CSNK2A2IP: variants seen among roughly 807,000 people sequenced by gnomAD.
CSNK2A2IP encodes the protein casein kinase 2 subunit alpha' interacting protein.
chr3:88,399,109 G>C, the CSNK2A2IP span, among the ~76,000 whole-genome samples: 2 of 152,032 alleles, frequency 1.3e-5, no homozygotes, highest in Admixed American at 6.6e-5. Flanking sequence ...CATTGATATA[G>C]GTGGTGTTTT....
At chr3:88,374,277 G>T in the CSNK2A2IP span, among the ~76,000 whole-genome samples, 1 of 151,622 alleles carries the variant, frequency 6.6e-6, no homozygotes, top group Non-Finnish European at 1.5e-5. Context: ...TCGGTGCGAG[G>T]CAGTAATGAA....
At chr3:88,429,239 T>C in the CSNK2A2IP span, among the ~76,000 whole-genome samples, 817 of 152,180 alleles carry the variant, frequency 5.4e-3, 12 homozygotes, top group African/African-American at 0.018. Flanking sequence ...TCACTTCTTG[T>C]GTCTTCTTCC....
At chr3:88,460,239 T>C in the CSNK2A2IP span, among the ~76,000 whole-genome samples, 2 of 152,194 alleles carry the variant, frequency 1.3e-5, no homozygotes, top group African/African-American at 4.8e-5. Flanking sequence ...TATCTGTATG[T>C]AATATTTACA....
chr3:88,428,696 T>C, the CSNK2A2IP span, among the ~76,000 whole-genome samples: 1 of 152,110 alleles, frequency 6.6e-6, no homozygotes, highest in African/African-American at 2.4e-5. Context: ...TACTGGATAT[T>C]GAGAAAACAG....
the CSNK2A2IP span, among the ~76,000 whole-genome samples, chr3:88,424,526 T>C: frequency 6.6e-6 from 1 of 152,220 alleles, no homozygotes; most frequent in Non-Finnish European, 1.5e-5. Context: ...TGATAAATGC[T>C]TTAAAAACAT....
the CSNK2A2IP span, among the ~76,000 whole-genome samples, chr3:88,428,326 G>A: frequency 6.6e-6 from 1 of 152,120 alleles, no homozygotes; most frequent in African/African-American, 2.4e-5. Flanking sequence ...GACTTGCCTT[G>A]TCTCAGATGA....
At chr3:88,352,871 T>C in the CSNK2A2IP span, among the ~76,000 whole-genome samples, 1 of 152,158 alleles carries the variant, frequency 6.6e-6, no homozygotes, top group Non-Finnish European at 1.5e-5. Flanking sequence ...TACTCTTTAC[T>C]CAATATGATA....
At chr3:88,429,584 G>A in the CSNK2A2IP span, among the ~76,000 whole-genome samples, 2 of 49,744 alleles carry the variant, frequency 4.0e-5, no homozygotes, top group African/African-American at 9.2e-5. Flanking sequence ...CTCTCTGAAC[G>A]AGGCTATGTT....
At chr3:88,363,298 G>A in the CSNK2A2IP span, among the ~76,000 whole-genome samples, 1 of 151,962 alleles carries the variant, frequency 6.6e-6, no homozygotes, top group African/African-American at 2.4e-5. Context: ...ATTCTCAAAT[G>A]TACTAATCTT....
chr3:88,409,746 C>T, the CSNK2A2IP span, among the ~76,000 whole-genome samples: 1 of 151,660 alleles, frequency 6.6e-6, no homozygotes, highest in Admixed American at 6.6e-5. Context: ...TCTTCAGATT[C>T]TTTTCTATTT....
At chr3:88,430,482 T>C in the CSNK2A2IP span, among the ~76,000 whole-genome samples, 2 of 152,144 alleles carry the variant, frequency 1.3e-5, no homozygotes, top group Admixed American at 1.3e-4. Context: ...TGAAGAGTCA[T>C]ATTCAGCAGG....
At chr3:88,417,149 G>A in the CSNK2A2IP span, among the ~76,000 whole-genome samples, 155 of 151,618 alleles carry the variant, frequency 1.0e-3, no homozygotes, top group Middle Eastern at 3.4e-3. Context: ...TATATACTGC[G>A]TTGATAGACA....
chr3:88,429,734 G>A, the CSNK2A2IP span, among the ~76,000 whole-genome samples: 11 of 152,022 alleles, frequency 7.2e-5, no homozygotes, highest in Non-Finnish European at 1.2e-4. Flanking sequence ...CTGAGTAGGA[G>A]CATTTTTTTT....
chr3:88,465,732 C>T, the CSNK2A2IP span: 5 of 1,231,706 alleles, frequency 4.1e-6, no homozygotes, highest in Non-Finnish European at 5.1e-6. Context: ...TGTTGCACTC[C>T]AAAGCTCAAA....
chr3:88,459,670 T>C, the CSNK2A2IP span, among the ~76,000 whole-genome samples: 12 of 152,146 alleles, frequency 7.9e-5, no homozygotes, highest in Non-Finnish European at 7.4e-5. Context: ...TTAACTACCA[T>C]GTGAATAGTT....
chr3:88,452,255 G>A, the CSNK2A2IP span, among the ~76,000 whole-genome samples: 2 of 151,564 alleles, frequency 1.3e-5, no homozygotes, highest in East Asian at 1.9e-4. Flanking sequence ...CTTTATCTGT[G>A]GAAGGTTCCT....
the CSNK2A2IP span, among the ~76,000 whole-genome samples, chr3:88,428,182 A>C: frequency 9.9e-5 from 15 of 152,278 alleles, 1 homozygote; most frequent in East Asian, 2.7e-3. Context: ...TTAAACTTGC[A>C]TGGGTCCTAT....
the CSNK2A2IP span, chr3:88,466,744 C>T: frequency 1.1e-6 from 1 of 899,942 alleles, no homozygotes; most frequent in Non-Finnish European, 1.5e-6. Context: ...AAGGCCAAAT[C>T]CTCATCCTGG....
the CSNK2A2IP span, among the ~76,000 whole-genome samples, chr3:88,457,506 G>A: frequency 2.2e-4 from 34 of 151,968 alleles, no homozygotes; most frequent in East Asian, 6.6e-3. Context: ...GACAAGCCTG[G>A]CAAACATGGT....
Sources: allele counts gnomAD v4.1 joint callset (sites outside exome capture counted in the v4.1 genomes callset), GRCh38; gene constraint gnomAD v4.1.1; transcripts MANE v1.5; gene names NCBI Gene and HGNC (gene_info 2026-07-23, HGNC 2026-07-21).